Variants in RHOXF1 observed in about 807,000 individuals in gnomAD.
RHOXF1 encodes PEPP subfamily gene 1.
A neutral mutation model predicts 9.7 loss-of-function variants in RHOXF1; 1 was observed. The ratio of observed to expected loss-of-function variants is 0.10; its 90% CI spans 0.04 to 0.49. RHOXF1 has a LOEUF of 0.49. Ranked by LOEUF, RHOXF1 falls within the 20% of genes least tolerant of loss-of-function variation. The probability of loss-of-function intolerance (pLI) is 0.95; values close to 1 mark genes in which losing one functional copy is unlikely to be tolerated. For missense variants in RHOXF1, 179 were observed against 168.0 expected (o/e 1.07, Z -0.36); for synonymous variants, 72 against 70.2 (o/e 1.03, Z -0.13).
intron 1 of RHOXF1, among the ~76,000 whole-genome samples, chrX:120,114,708 C>T (rs1475109598): frequency 8.9e-6 from 1 of 111,933 alleles, no homozygotes; most frequent in Non-Finnish European, 1.9e-5. Context: ...CACAACATCA[C>T]TAATCATTAG....
chrX:120,110,203 G>T (rs1410810861), intron 2 of RHOXF1, among the ~76,000 whole-genome samples: 1 of 111,767 alleles, frequency 8.9e-6, no homozygotes, highest in East Asian at 2.8e-4. Flanking sequence ...TTTTAGACAG[G>T]TTTCCTTCCA....
Position 120,115,419 on chromosome X carries a change from CG to C in RHOXF1, c.398+45del, listed in dbSNP as rs782299335. ...GGGCAAGGGAGAGAAAAAGATGCCT[CG>C]AAACGAACTTGGAGATCTCGTGGCT... On this transcript the variant is annotated intron_variant, in intron 1 of 2. Coordinates refer to ENST00000217999, the MANE Select transcript of RHOXF1 (RefSeq NM_139282.3). 339 of 1,050,309 alleles carry C rather than the reference CG, an allele frequency of 3.2e-4. 2 individuals carry two copies. In the African/African-American group the frequency reaches 5.4e-3, roughly 17 times the overall value. 86.6% of individuals were successfully genotyped at this position (1,050,309 alleles called of 1,213,427 possible). A position where few individuals can be genotyped will look rare whatever the true frequency, so the allele number is the denominator to read the frequency against.
At chrX:120,117,094 A>G (rs782124678), upstream of RHOXF1, among the ~76,000 whole-genome samples, 2 of 109,577 alleles carry the variant, frequency 1.8e-5, no homozygotes, top group Non-Finnish European at 3.8e-5. Context: ...CCCAATTACG[A>G]AGAAAAACCC....
chrX:120,115,703 C>T lies in RHOXF1; in HGVS notation c.160G>A (p.Val54Met). 2 of 1,208,652 alleles carry T rather than the reference C, an allele frequency of 1.7e-6. No homozygotes were observed. Among genetic ancestry groups the T allele is most frequent in the Non-Finnish European group, 2.2e-6 (2 of 894,687 alleles). ...LMGNMNPEGG[V>M]NHENGMNRDG... is the part of the protein sequence containing the mutation. ...CGGTTCATGCCGTTCTCGTGGTTCA[C>T]ACCGCCCTCAGGGTTCATATTACCC... The change falls in exon 1 of 3, where the codon GTG (valine) becomes ATG (methionine). Residue 54 changes from valine (V) to methionine (M), a missense_variant. Physicochemically the swap from Val to Met is conservative, Grantham distance 21. Coordinates refer to ENST00000217999, the MANE Select transcript of RHOXF1 (RefSeq NM_139282.3).
chrX:120,119,261 C>T (rs575599746), upstream of RHOXF1, among the ~76,000 whole-genome samples: 1 of 111,226 alleles, frequency 9.0e-6, no homozygotes, highest in Admixed American at 9.6e-5. Flanking sequence ...ATTATTAAAC[C>T]AAGGCAAAAT....
upstream of RHOXF1, among the ~76,000 whole-genome samples, chrX:120,119,359 C>A (rs1450393687): frequency 8.9e-6 from 1 of 112,221 alleles, no homozygotes; most frequent in Non-Finnish European, 1.9e-5. Flanking sequence ...AGGGTCACTG[C>A]TCACATAAAT....
intron 1 of RHOXF1, 111 bp from the exon 2 acceptor site, chrX:120,113,025 C>T: frequency 4.1e-6 from 2 of 487,708 alleles, no homozygotes; most frequent in Admixed American, 2.7e-5. Flanking sequence ...TCTCCCCTCA[C>T]ACCTCCCCCA....
At chrX:120,117,523 T>C (rs1473873871), upstream of RHOXF1, 1 of 111,549 alleles carries the variant, frequency 9.0e-6, no homozygotes, top group African/African-American at 3.3e-5. Context: ...TTGAGGTTTT[T>C]TTGGCAGCAT....
At chrX:120,113,006 A>G (rs1379258212) in intron 1 of RHOXF1, 92 bp from the exon 2 acceptor site, 1 of 590,404 alleles carries the variant, frequency 1.7e-6, no homozygotes, top group African/African-American at 2.2e-5. Flanking sequence ...CTTGTTTTAC[A>G]ATTTATAATC....
intron 2 of RHOXF1, among the ~76,000 whole-genome samples, chrX:120,111,909 C>T (rs1394379917): frequency 2.7e-5 from 3 of 111,976 alleles, no homozygotes; most frequent in African/African-American, 9.7e-5. Context: ...TTTTCCAAAG[C>T]ATACAAACCT....
intron 1 of RHOXF1, among the ~76,000 whole-genome samples, chrX:120,113,402 G>A (rs1283200909): frequency 1.8e-5 from 2 of 109,852 alleles, no homozygotes; most frequent in African/African-American, 3.3e-5. Flanking sequence ...GCTGGGATTT[G>A]GGGCATGAAC....
At chrX:120,112,445 TAATAC>T (rs1245653703) in intron 2 of RHOXF1, among the ~76,000 whole-genome samples, 36,356 of 71,257 alleles carry the variant, frequency 0.51, 7,123 homozygotes, top group Non-Finnish European at 0.67. Context: ...ATATTATATA[TAATAC>T]ACATATGTAT....
In RHOXF1 at chrX:120,109,220, T is replaced by G; in HGVS notation, c.527A>C (p.Asp176Ala). 5 of 1,193,843 alleles carry G rather than the reference T, an allele frequency of 4.2e-6. No individual in the cohort carries two copies. Among genetic ancestry groups the G allele is most frequent in the Non-Finnish European group, 5.7e-6 (5 of 881,386 alleles). Residue 176 changes from aspartate (D) to alanine (A), a missense_variant, in exon 3 of 3, where the codon GAC becomes GCC. Physicochemically the swap from Asp to Ala is moderately radical, Grantham distance 126 (BLOSUM62 -2). Coordinates refer to ENST00000217999, the MANE Select transcript of RHOXF1 (RefSeq NM_139282.3). ...MLANELRADP[D>A]DCVYIVVD ...GTCCACGACGATGTAGACACAGTCG[T>G]CTGGGTCAGCACGTAGTTCATTGGC...
At chrX:120,114,845 G>T (rs1317891733) in intron 1 of RHOXF1, among the ~76,000 whole-genome samples, 1 of 112,172 alleles carries the variant, frequency 8.9e-6, no homozygotes, top group Admixed American at 9.4e-5. Flanking sequence ...TGTACTGTTG[G>T]TGTGCACCTG....
At position 120,115,581 on chromosome X, in the gene RHOXF1, C is replaced by T; in HGVS notation, c.282G>A (p.Glu94=). The T allele has an allele frequency of 8.6e-7, 1 of 1,156,327 alleles. No homozygotes were observed. The highest frequency in any genetic ancestry group is 1.2e-6 in the Non-Finnish European group (1 of 869,146). Residue 94 remains glutamate (E), a synonymous_variant, in exon 1 of 3, where the codon GAG becomes GAA. Coordinates refer to ENST00000217999, the MANE Select transcript of RHOXF1 (RefSeq NM_139282.3). ...PPEEPAQAAM[E]GPQPENMQPR... ...GCTGCATGTTCTCGGGCTGCGGACC[C>T]TCCATGGCCGCCTGGGCCGGCTCCT...
At chrX:120,112,011 G>C in intron 2 of RHOXF1, among the ~76,000 whole-genome samples, 1 of 111,010 alleles carries the variant, frequency 9.0e-6, no homozygotes, top group Non-Finnish European at 1.9e-5. Context: ...TAAAACTTAG[G>C]GCTGCCACTC....
chrX:120,114,537 G>A (rs1556000273), intron 1 of RHOXF1, among the ~76,000 whole-genome samples: 1 of 110,515 alleles, frequency 9.0e-6, no homozygotes, highest in Admixed American at 9.6e-5. Context: ...TCTGATAAGG[G>A]GTTAATATCC....
Position 120,115,778 on chromosome X carries a change from C to A in RHOXF1, c.85G>T (p.Ala29Ser). 2 of 1,207,410 alleles carry A rather than the reference C, an allele frequency of 1.7e-6. No individual in the cohort carries two copies. The highest frequency in any genetic ancestry group is 2.2e-6 in the Non-Finnish European group (2 of 894,660). The change falls in exon 1 of 3, where the codon GCA becomes TCA. Residue 29 changes from alanine to serine, a missense_variant. Transcript: ENST00000217999. ...VKISPTPQLG[A>S]ASSAEGHVGQ... ...ACATGGCCTTCTGCGCTTGATGCTG[C>A]CCCCAGCTGAGGTGTGGGGCTTATT...
At position 120,115,899 on chromosome X, in the gene RHOXF1, G is replaced by T. The variant is rs781843928; in HGVS notation, c.-37C>A. The stretch of plus-strand genomic sequence containing the variant: ...TGCGCCCCTGCACAAACTCCGTGGC[G>T]TCTGCAGCTGGAGTGGGGGTTAGAG... On this transcript the variant is annotated 5_prime_UTR_variant, in exon 1 of 3. Coordinates refer to ENST00000217999, the MANE Select transcript of RHOXF1 (RefSeq NM_139282.3). 4 of 1,123,432 alleles carry T rather than the reference G, an allele frequency of 3.6e-6. No individual in the cohort carries two copies. The African/African-American group carries it at 7.7e-5, about 22-fold the overall frequency. The allele number at this position is 1,123,432 out of a possible 1,213,427, so 92.6% of individuals were successfully genotyped here. A position where few individuals can be genotyped will look rare whatever the true frequency, so the allele number is the denominator to read the frequency against.
Sources: gnomAD v4.1 joint callset for allele counts (sites outside exome capture counted in the v4.1 genomes callset) on GRCh38, gnomAD v4.1.1 for gene constraint, MANE v1.5 for transcripts, NCBI Gene and HGNC (gene_info 2026-07-23, HGNC 2026-07-21) for gene names.